Variants in ACACA observed in about 807,000 individuals in gnomAD.
ACACA encodes the protein acetyl-CoA carboxylase alpha.
In ACACA, 103 loss-of-function variants were observed where a neutral mutation model predicts 296.1. That is an observed-to-expected ratio of 0.35 (90% CI 0.30 to 0.41). The LOEUF (loss-of-function observed/expected upper bound fraction) is 0.41. ACACA is among the 10% of genes least tolerant of loss of function. ACACA has a pLI of 1.00. For synonymous variants in ACACA, 953 were observed against 1,038.6 expected (o/e 0.92, Z 1.58); for missense variants, 1,554 against 2,989.7 (o/e 0.52, Z 11.20).
chr17:37,161,512 A>C, intron 42 of ACACA: 3 of 533,024 alleles, frequency 5.6e-6, no homozygotes. Flanking sequence ...CATGTCTCGC[A>C]CTAAATGCAT....
At chr17:37,268,548 T>TCA (rs2081899206) in intron 10 of ACACA, among the ~76,000 whole-genome samples, 1 of 152,096 alleles carries the variant, frequency 6.6e-6, no homozygotes, top group Non-Finnish European at 1.5e-5. Flanking sequence ...TGAAAACTTA[T>TCA]CAGCCTTTCT....
At chr17:37,282,487 C>G (rs1323476277) in intron 5 of ACACA, among the ~76,000 whole-genome samples, 1 of 152,158 alleles carries the variant, frequency 6.6e-6, no homozygotes, top group Non-Finnish European at 1.5e-5. Context: ...GGTGTCTTCT[C>G]AATTTCTAAA....
chr17:37,272,871 TA>T (rs1026452713), intron 9 of ACACA, among the ~76,000 whole-genome samples: 5 of 152,136 alleles, frequency 3.3e-5, no homozygotes, highest in African/African-American at 4.8e-5. Context: ...TGAAAAGGGA[TA>T]AAAAAATGAA....
chr17:37,206,349 AAAG>A (rs2078500789), intron 32 of ACACA, among the ~76,000 whole-genome samples: 1 of 152,250 alleles, frequency 6.6e-6, no homozygotes, highest in Non-Finnish European at 1.5e-5. Context: ...TGATAAATAA[AAAG>A]AAATGATTTA....
chr17:37,136,509 T>C (rs904583759), intron 45 of ACACA, among the ~76,000 whole-genome samples: 3 of 152,220 alleles, frequency 2.0e-5, no homozygotes, highest in African/African-American at 4.8e-5. Context: ...AACACTGCTA[T>C]AGACATTTGT....
At chr17:37,280,989 C>A (rs539730336) in intron 5 of ACACA, among the ~76,000 whole-genome samples, 2 of 152,072 alleles carry the variant, frequency 1.3e-5, no homozygotes, top group Non-Finnish European at 2.9e-5. Context: ...TTCTCTCCCC[C>A]CAATTGCTTC....
intron 1 of ACACA, among the ~76,000 whole-genome samples, chr17:37,343,514 C>T (rs1462398568): frequency 6.6e-6 from 1 of 151,876 alleles, no homozygotes; most frequent in Middle Eastern, 3.2e-3. Context: ...TGCCTGTAAT[C>T]CCAGCACTTT....
At chr17:37,278,333 A>C (rs1010452738) in intron 5 of ACACA, among the ~76,000 whole-genome samples, 2 of 152,196 alleles carry the variant, frequency 1.3e-5, no homozygotes, top group Non-Finnish European at 2.9e-5. Flanking sequence ...CAATTACTCT[A>C]TTCCGAGAAA....
chr17:37,330,419 C>G lies in ACACA; in HGVS notation c.92G>C (p.Arg31Thr). Reference sequence around the variant, plus strand: ...ATCCATTATTCCTCCAAAATGAGCTCTTACAGCTATGGAGAAAATGAAAAG... The same window carrying G: ...ATCCATTATTCCTCCAAAATGAGCTGTTACAGCTATGGAGAAAATGAAAAG... ...TQTVRIIRAV[R>T]AHFGGIMDEP... Residue 31 changes from arginine (R) to threonine (T), a missense_variant, in exon 3 of 56, where the codon AGA becomes ACA. Physicochemically the swap from Arg to Thr is moderately conservative, Grantham distance 71. Coordinates refer to ENST00000616317, the MANE Select transcript of ACACA (RefSeq NM_198834.3). 6.2e-7 allele frequency: 1 copy of G among 1,614,164 alleles called. No homozygotes were observed. The highest frequency in any genetic ancestry group is 8.5e-7 in the Non-Finnish European group (1 of 1,180,050).
chr17:37,272,524 T>C (rs897755432), intron 9 of ACACA, among the ~76,000 whole-genome samples: 19 of 151,358 alleles, frequency 1.3e-4, no homozygotes, highest in African/African-American at 4.1e-4. Context: ...TGCTGAGTGA[T>C]AGATGATCAA....
At chr17:37,158,661 G>T (rs1020236797) in intron 42 of ACACA, among the ~76,000 whole-genome samples, 1 of 151,978 alleles carries the variant, frequency 6.6e-6, no homozygotes, top group Admixed American at 6.6e-5. Flanking sequence ...AAAACAGGAT[G>T]AGATCACCAA....
intron 16 of ACACA, among the ~76,000 whole-genome samples, chr17:37,251,653 A>G (rs2146101165): frequency 6.6e-6 from 1 of 152,318 alleles, no homozygotes; most frequent in Non-Finnish European, 1.5e-5. Flanking sequence ...GTAATACATG[A>G]AATATTTAGG....
At chr17:37,156,110 C>T (rs2076238694) in intron 42 of ACACA, among the ~76,000 whole-genome samples, 1 of 129,300 alleles carries the variant, frequency 7.7e-6, no homozygotes, top group Non-Finnish European at 1.5e-5. Flanking sequence ...GTTGCCCAGG[C>T]TGGAGTGCAG....
chr17:37,275,495 CA>C (rs34064045), intron 8 of ACACA, among the ~76,000 whole-genome samples: 357 of 61,638 alleles, frequency 5.8e-3, no homozygotes, highest in African/African-American at 0.014. Flanking sequence ...GACTCCAACT[CA>C]AAAAAAAAAA....
At chr17:37,334,671 C>A in intron 2 of ACACA, among the ~76,000 whole-genome samples, 1 of 152,042 alleles carries the variant, frequency 6.6e-6, no homozygotes, top group Admixed American at 6.6e-5. Context: ...ATCCCCTGGC[C>A]CTCCCTTATC....
chr17:37,319,809 G>A (rs990845662), intron 3 of ACACA, among the ~76,000 whole-genome samples: 3 of 152,072 alleles, frequency 2.0e-5, no homozygotes, highest in African/African-American at 7.2e-5. Flanking sequence ...AAAATTAGCT[G>A]GGGGTGGTGG....
At chr17:37,228,898 C>T (rs1005324428) in intron 25 of ACACA, among the ~76,000 whole-genome samples, 1 of 152,154 alleles carries the variant, frequency 6.6e-6, no homozygotes, top group African/African-American at 2.4e-5. Context: ...AATCCCAGCA[C>T]TTTGGGAGGC....
intron 1 of ACACA, among the ~76,000 whole-genome samples, chr17:37,354,564 G>A (rs2049046085): frequency 1.3e-5 from 2 of 152,110 alleles, no homozygotes; most frequent in East Asian, 1.9e-4. Flanking sequence ...TTTCTTACCT[G>A]TTTAATATCA....
intron 3 of ACACA, among the ~76,000 whole-genome samples, chr17:37,314,334 C>T (rs923367044): frequency 2.6e-5 from 4 of 151,962 alleles, no homozygotes; most frequent in South Asian, 2.1e-4. Context: ...CTCCTGACCT[C>T]GTGATCCGCC....
Sources: gnomAD v4.1 joint callset for allele counts (sites outside exome capture counted in the v4.1 genomes callset) on GRCh38, gnomAD v4.1.1 for gene constraint, MANE v1.5 for transcripts, NCBI Gene and HGNC (gene_info 2026-07-23, HGNC 2026-07-21) for gene names.